PLB1: variants seen among roughly 807,000 people sequenced by gnomAD.
PLB1 encodes phospholipase B1, also known as phospholipase B1, membrane-associated.
PLB1 carries 242 observed loss-of-function variants against 227.4 expected under a neutral mutation model. That is an observed-to-expected ratio of 1.06 (90% CI 0.96 to 1.18). PLB1 has a LOEUF of 1.18. Ranked by LOEUF, PLB1 falls within the 50% of genes most tolerant of loss-of-function variation. PLB1 has a pLI of 0.00. For missense variants in PLB1, 1,858 were observed against 1,816.3 expected (o/e 1.02, Z -0.42); for synonymous variants, 757 against 682.2 (o/e 1.11, Z -1.71).
At chr2:28,635,770 T>G (rs946511702) in intron 56 of PLB1, among the ~76,000 whole-genome samples, 1 of 152,252 alleles carries the variant, frequency 6.6e-6, no homozygotes, top group Non-Finnish European at 1.5e-5. Flanking sequence ...TTCTGTCTTC[T>G]TATCTGAAGA....
intron 23 of PLB1, among the ~76,000 whole-genome samples, chr2:28,580,732 G>C (rs1679786128): frequency 6.6e-6 from 1 of 151,314 alleles, no homozygotes; most frequent in African/African-American, 2.4e-5. Context: ...AAAAAGCAAA[G>C]TTGCTGTGGG....
At chr2:28,602,333 T>G (rs1684046947) in intron 38 of PLB1, among the ~76,000 whole-genome samples, 1 of 152,240 alleles carries the variant, frequency 6.6e-6, no homozygotes, top group African/African-American at 2.4e-5. Context: ...AGCCCCTGTC[T>G]GGTCCTGCAC....
chr2:28,636,054 T>C (rs1408667270), intron 56 of PLB1, among the ~76,000 whole-genome samples: 2 of 120,916 alleles, frequency 1.7e-5, no homozygotes, highest in African/African-American at 5.7e-5. Context: ...TGTATGTGTA[T>C]GTGTGTATGT....
intron 28 of PLB1, 88 bp downstream of exon 28, chr2:28,589,858 G>A (rs2148282558): frequency 7.1e-7 from 1 of 1,410,378 alleles, no homozygotes; most frequent in Non-Finnish European, 1.0e-6. Flanking sequence ...GGCCCATCGT[G>A]CAGGCCATGT....
At chr2:28,531,847 T>C (rs1671052692) in intron 8 of PLB1, among the ~76,000 whole-genome samples, 1 of 152,162 alleles carries the variant, frequency 6.6e-6, no homozygotes. Flanking sequence ...TAAACTATAT[T>C]TGGGGAAATG....
In PLB1 at chr2:28,525,280, G is replaced by T; in HGVS notation, c.257G>T (p.Gly86Val). 2 of 1,613,610 alleles carry T rather than the reference G, an allele frequency of 1.2e-6. No homozygotes were observed. The highest frequency in any genetic ancestry group is 1.7e-6 in the Non-Finnish European group (2 of 1,179,960). ...IGNLEIPPDP[G>V]TGDLEKQDWT... is the part of the protein sequence containing the mutation. ...TATCTATTCCAGCCTCCAGACCCAG[G>T]GACGGGCGATCTGGAGAAGCAAGAC... Residue 86 changes from glycine (G) to valine (V), a missense_variant, in exon 5 of 58, where the codon GGG becomes GTG. Physicochemically the swap from Gly to Val is moderately radical, Grantham distance 109 (BLOSUM62 -3). Transcript: ENST00000327757.
At chr2:28,534,720 GGC>G (rs1671451231) in intron 9 of PLB1, among the ~76,000 whole-genome samples, 1 of 152,126 alleles carries the variant, frequency 6.6e-6, no homozygotes, top group Non-Finnish European at 1.5e-5. Flanking sequence ...CGGGCTTGGT[GGC>G]AGGCACCTGT....
At chr2:28,620,810 C>T (rs1446197468) in intron 48 of PLB1, 69 bp from the exon 49 acceptor site, 15 of 1,470,368 alleles carry the variant, frequency 1.0e-5, no homozygotes, top group African/African-American at 5.6e-5. Context: ...CCTGCATGCT[C>T]ATCTCAGTTA....
intron 6 of PLB1, among the ~76,000 whole-genome samples, chr2:28,528,177 C>T (rs982446011): frequency 3.3e-5 from 5 of 152,232 alleles, no homozygotes; most frequent in Admixed American, 6.5e-5. Flanking sequence ...CACCCGCACC[C>T]TGCCTGCTGC....
chr2:28,509,697 G>C (rs1668012457), intron 1 of PLB1, among the ~76,000 whole-genome samples: 1 of 152,158 alleles, frequency 6.6e-6, no homozygotes, highest in South Asian at 2.1e-4. Context: ...TGACTCTGGT[G>C]GGAATTTTTC....
In PLB1 at chr2:28,620,323, T is replaced by C; in HGVS notation, c.3374T>C (p.Leu1125Pro). ...SSDLPTSWRG[L>P]SWSIGGDGNL... Reference sequence around the variant, plus strand: ...GACCTACCCACATCTTGGAGGGGACTCTCTTGGAGGTGAGGATGTTCTTGA... The same window carrying C: ...GACCTACCCACATCTTGGAGGGGACCCTCTTGGAGGTGAGGATGTTCTTGA... The change falls in exon 47 of 58, where the codon CTC becomes CCC. Residue 1125 changes from leucine (L) to proline (P), a missense_variant. Physicochemically the swap from Leu to Pro is moderately conservative, Grantham distance 98 (BLOSUM62 -3). Coordinates refer to ENST00000327757, the MANE Select transcript of PLB1 (RefSeq NM_153021.5). 6.2e-7 allele frequency: 1 copy of C among 1,603,868 alleles called. No homozygotes were observed. The highest frequency in any genetic ancestry group is 8.5e-7 in the Non-Finnish European group (1 of 1,174,132).
chr2:28,529,369 C>T lies in PLB1; in HGVS notation c.378C>T (p.Cys126=). 1 of 1,611,056 alleles carries T rather than the reference C, an allele frequency of 6.2e-7. No individual in the cohort carries two copies. The highest frequency in any genetic ancestry group is 2.2e-5 in the East Asian group (1 of 44,854). The change falls in exon 7 of 58, where the codon TGC becomes TGT. Residue 126 remains cysteine (C), a synonymous_variant. Coordinates refer to ENST00000327757, the MANE Select transcript of PLB1 (RefSeq NM_153021.5). The part of the protein sequence containing the change: ...YFSPSVPMPV[C]HTGKRVIPHD... ...GTCCTTCTGTTCCAATGCCTGTGTGCCACACTGGAAAGAGAGTCATACCCC... is the reference window on the plus strand; with the variant it reads ...GTCCTTCTGTTCCAATGCCTGTGTGTCACACTGGAAAGAGAGTCATACCCC...
intron 18 of PLB1, among the ~76,000 whole-genome samples, 159 bp downstream of exon 18, chr2:28,563,258 C>T (rs997386700): frequency 6.6e-6 from 1 of 152,182 alleles, no homozygotes; most frequent in Admixed American, 6.5e-5. Flanking sequence ...CCCACCCTGG[C>T]ATTCAACAGC....
intron 35 of PLB1, among the ~76,000 whole-genome samples, chr2:28,599,944 T>A (rs116029308): frequency 0.013 from 1,968 of 152,198 alleles, 49 homozygotes; most frequent in African/African-American, 0.045. Context: ...GGTTTCACTC[T>A]GTCACCTAGG....
At chr2:28,547,212 A>AAAG (rs1237716992) in intron 14 of PLB1, among the ~76,000 whole-genome samples, 2 of 52,852 alleles carry the variant, frequency 3.8e-5, no homozygotes, top group African/African-American at 8.9e-5. Context: ...CAAAAAAAAA[A>AAAG]AAAAGAAAAA....
intron 18 of PLB1, 59 bp from the exon 19 acceptor site, chr2:28,565,221 G>C: frequency 6.8e-7 from 1 of 1,470,478 alleles, no homozygotes; most frequent in Non-Finnish European, 9.4e-7. Context: ...TTGGCAGGTA[G>C]GCAGAGGTGG....
At chr2:28,634,424 C>T (rs1208370423) in intron 56 of PLB1, among the ~76,000 whole-genome samples, 1 of 152,146 alleles carries the variant, frequency 6.6e-6, no homozygotes, top group Non-Finnish European at 1.5e-5. Context: ...TCCCCTGAGA[C>T]CTCAGGGGAT....
At chr2:28,580,232 A>G (rs1331402188) in intron 23 of PLB1, among the ~76,000 whole-genome samples, 2 of 152,224 alleles carry the variant, frequency 1.3e-5, no homozygotes, top group Non-Finnish European at 2.9e-5. Flanking sequence ...GAAGCCTGAC[A>G]GGGCATACCC....
rs191216144 is a variant in PLB1 at position 28,602,723 on chromosome 2, C to T, written c.2674-98C>T. On this transcript the variant is annotated intron_variant, in intron 38 of 57. Coordinates refer to ENST00000327757, the MANE Select transcript of PLB1 (RefSeq NM_153021.5). ...CCCCAGAACTCAACTCCAGAAAGAC[C>T]AAGCTGGATTGCTAAAGGAACCCAT... 2.0e-3 allele frequency: 2,162 copies of T among 1,075,134 alleles called. 4 individuals are homozygous for T. The highest frequency in any genetic ancestry group is 2.8e-3 in the Non-Finnish European group (1,954 of 708,526). 66.6% of individuals were successfully genotyped at this position (1,075,134 alleles called of 1,614,324 possible). A position where few individuals can be genotyped will look rare whatever the true frequency, so the allele number is the denominator to read the frequency against.
Sources: gnomAD v4.1 joint callset for allele counts (sites outside exome capture counted in the v4.1 genomes callset) on GRCh38, gnomAD v4.1.1 for gene constraint, MANE v1.5 for transcripts, NCBI Gene and HGNC (gene_info 2026-07-23, HGNC 2026-07-21) for gene names.